ZNF486: variants seen among roughly 807,000 people sequenced by gnomAD.
ZNF486 encodes the protein KRAB box only protein 2.
ZNF486 carries 12 observed loss-of-function variants against 12.8 expected under a neutral mutation model. The observed-to-expected ratio is 0.94, with a 90% CI of 0.60 to 1.52. The LOEUF (loss-of-function observed/expected upper bound fraction) is 1.52, where lower values mean the gene tolerates loss of function less well. ZNF486 is among the 40% of genes most tolerant of loss of function. The pLI is 0.00. For synonymous variants in ZNF486, 231 were observed against 184.9 expected, an observed-to-expected ratio of 1.25 and a Z score of -2.02; for missense variants, 738 against 545.0, an observed-to-expected ratio of 1.35 and a Z score of -3.53.
intron 3 of ZNF486, among the ~76,000 whole-genome samples, chr19:20,192,639 T>C (rs1446304407): frequency 1.3e-5 from 2 of 152,206 alleles, no homozygotes. Flanking sequence ...TCTCACTCTG[T>C]CAACCAGGCT....
chr19:20,172,675 A>AGTCTCCCTCT (rs200809354), intron 1 of ZNF486, among the ~76,000 whole-genome samples: 1 of 142,498 alleles, frequency 7.0e-6, no homozygotes, highest in Non-Finnish European at 1.5e-5. Context: ...TGTGAGATGG[A>AGTCTCCCTCT]GTCGCTTAGA....
Position 20,189,312 on chromosome 19 carries a change from C to T in ZNF486, c.253+3230C>T, listed in dbSNP as rs184248835. On this transcript the variant is annotated intron_variant, in intron 3 of 3. Transcript: ENST00000335117. ...TCTCAAACTCCTGATCTCAGGTAAT[C>T]ACCCACCTTGGCCTCCCAAAGTGCT... is the stretch of plus-strand genomic sequence containing the variant. Among the ~76,000 whole-genome samples the T allele has an allele frequency of 9.3e-4, 142 of 152,262 alleles. 1 individual carries two copies. Among genetic ancestry groups the T allele is most frequent in the African/African-American group, 3.2e-3 (134 of 41,566 alleles).
chr19:20,168,211 T>C (rs543539677), intron 1 of ZNF486, among the ~76,000 whole-genome samples: 1 of 151,990 alleles, frequency 6.6e-6, no homozygotes, highest in South Asian at 2.1e-4. Flanking sequence ...ATACAAAAAT[T>C]AGCCAGGTGT....
At chr19:20,195,000 A>C (rs1555717688) in intron 3 of ZNF486, among the ~76,000 whole-genome samples, 1 of 151,248 alleles carries the variant, frequency 6.6e-6, no homozygotes, top group East Asian at 1.9e-4. Context: ...TTCTTTTTAT[A>C]GTTGTCTGGG....
rs572580829 is a variant in ZNF486, at chr19:20,176,154, C to T, written c.31-8202C>T. 131 of 174,490 alleles carry T rather than the reference C, an allele frequency of 7.5e-4. 1 individual carries two copies. The highest frequency in any genetic ancestry group is 2.9e-3 in the Middle Eastern group (1 of 350). 10.8% of individuals were successfully genotyped at this position (174,490 alleles called of 1,614,324 possible). ...GCTCCTCACCTCCCAGACGGGGTCG[C>T]GGCTGGGCAGAGGCGCTCCTCATAT... On this transcript the variant is annotated intron_variant, in intron 1 of 3. Coordinates refer to ENST00000335117, the MANE Select transcript of ZNF486 (RefSeq NM_052852.4).
At chr19:20,178,985 C>G (rs1445700060) in intron 1 of ZNF486, among the ~76,000 whole-genome samples, 3 of 152,214 alleles carry the variant, frequency 2.0e-5, no homozygotes, top group Admixed American at 2.0e-4. Context: ...GTAACACCTG[C>G]TGCTCCTCCT....
chr19:20,190,215 A>G (rs2089889128), intron 3 of ZNF486, among the ~76,000 whole-genome samples: 1 of 152,144 alleles, frequency 6.6e-6, no homozygotes, highest in African/African-American at 2.4e-5. Context: ...TGTAGGTTGT[A>G]TTGACATCTG....
chr19:20,197,077 A>T lies in ZNF486; in HGVS notation c.367A>T (p.Lys123Ter), dbSNP rs782700221. 4 of 1,611,894 alleles carry T rather than the reference A, an allele frequency of 2.5e-6. No individual in the cohort carries two copies. Among genetic ancestry groups the T allele is most frequent in the Non-Finnish European group, 3.4e-6 (4 of 1,179,572 alleles). ...EKCGHGNLHF[K>*]KGCESVDECK... ...ATGTGGACATGGCAATTTACACTTT[A>T]AAAAAGGCTGTGAAAGTGTGGATGA... The change falls in exon 4 of 4, where the codon AAA (lysine) becomes TAA (stop). Residue 123 changes from lysine to a stop codon, truncating the protein, a stop_gained. Transcript: ENST00000335117. LOFTEE classifies it low-confidence loss of function (END_TRUNC).
intron 1 of ZNF486, among the ~76,000 whole-genome samples, chr19:20,172,366 C>T (rs981685555): frequency 5.9e-5 from 9 of 151,642 alleles, no homozygotes; most frequent in Non-Finnish European, 1.2e-4. Flanking sequence ...ATTGCAATAG[C>T]GTAATCTTGA....
intron 1 of ZNF486, among the ~76,000 whole-genome samples, chr19:20,174,562 G>A (rs1555714368): frequency 2.0e-5 from 3 of 151,852 alleles, no homozygotes; most frequent in Non-Finnish European, 1.5e-5. Context: ...CTAAGTTTTT[G>A]TATTTATAGT....
At chr19:20,174,039 T>A (rs118052736) in intron 1 of ZNF486, among the ~76,000 whole-genome samples, 1,889 of 152,330 alleles carry the variant, frequency 0.012, 15 homozygotes, top group Non-Finnish European at 0.017. Context: ...TATTTTTTAA[T>A]TTTTAGTCCT....
intron 1 of ZNF486, chr19:20,177,001 C>G (rs916102223): frequency 1.3e-5 from 2 of 152,220 alleles, no homozygotes; most frequent in African/African-American, 4.8e-5. Context: ...AAACACTGCT[C>G]TCATTTTCAT....
rs2089713243 is a variant in ZNF486, at chr19:20,176,253, C to A, written c.31-8103C>A. On this transcript the variant is annotated intron_variant, in intron 1 of 3. Transcript: ENST00000335117. ...GGCGGCCGGGCAGAGACGCTCCTTG[C>A]TTCCTAGATGGGATGGTGGCTGGGA... 5 of 194,074 alleles carry A rather than the reference C, an allele frequency of 2.6e-5. 1 individual carries two copies. In the South Asian group the frequency reaches 3.7e-4, roughly 15 times the overall value. The allele number at this position is 194,074 out of a possible 1,614,324, so 12.0% of individuals were successfully genotyped here. A position where few individuals can be genotyped will look rare whatever the true frequency, so the allele number is the denominator to read the frequency against.
intron 3 of ZNF486, among the ~76,000 whole-genome samples, chr19:20,192,901 T>C (rs933493686): frequency 3.3e-5 from 5 of 152,346 alleles, no homozygotes; most frequent in African/African-American, 1.2e-4. Context: ...TTAATTTATA[T>C]TTACAATGAA....
At chr19:20,194,688 A>G (rs2089940662) in intron 3 of ZNF486, among the ~76,000 whole-genome samples, 1 of 152,078 alleles carries the variant, frequency 6.6e-6, no homozygotes, top group African/African-American at 2.4e-5. Flanking sequence ...AGATTGCATC[A>G]TTGCACTCCA....
chr19:20,199,143 A>T lies in ZNF486; in HGVS notation c.*1041A>T, dbSNP rs1307574828. On this transcript the variant is annotated 3_prime_UTR_variant, in exon 4 of 4. Transcript: ENST00000335117. ...CAAATATAAAGAATATGGAAAAGCC[A>T]TTAATGTCCATCACATCTTACTCAA... The T allele has an allele frequency of 6.6e-6, 1 of 152,204 alleles. No individual in the cohort carries two copies. Among genetic ancestry groups the T allele is most frequent in the Non-Finnish European group, 1.5e-5 (1 of 68,040 alleles). The allele number at this position is 152,204 out of a possible 1,614,324, so 9.4% of individuals were successfully genotyped here. A position where few individuals can be genotyped will look rare whatever the true frequency, so the allele number is the denominator to read the frequency against.
chr19:20,187,054 A>G (rs1320035262), intron 3 of ZNF486, among the ~76,000 whole-genome samples: 3 of 151,974 alleles, frequency 2.0e-5, no homozygotes, highest in African/African-American at 7.2e-5. Context: ...AAGTGCTGGG[A>G]TTACAGGCAT....
chr19:20,178,219 T>A (rs572947432), intron 1 of ZNF486, among the ~76,000 whole-genome samples: 4 of 151,802 alleles, frequency 2.6e-5, no homozygotes, highest in African/African-American at 9.7e-5. Context: ...TGAGCCACCA[T>A]GTCCAGCGAA....
intron 3 of ZNF486, among the ~76,000 whole-genome samples, chr19:20,190,117 G>A (rs1469029181): frequency 6.6e-6 from 1 of 152,092 alleles, no homozygotes; most frequent in Non-Finnish European, 1.5e-5. Context: ...ATATATAGAA[G>A]GGTTCATTTC....
Sources: gnomAD v4.1 joint callset for allele counts (sites outside exome capture counted in the v4.1 genomes callset) on GRCh38, gnomAD v4.1.1 for gene constraint, MANE v1.5 for transcripts, NCBI Gene and HGNC (gene_info 2026-07-23, HGNC 2026-07-21) for gene names.